FLI1: variants seen among roughly 807,000 people sequenced by gnomAD.
The protein encoded by FLI1 is Fli-1 proto-oncogene, ETS transcription factor.
FLI1 carries 13 observed loss-of-function variants against 53.1 expected under a neutral mutation model. The ratio of observed to expected loss-of-function variants is 0.24; its 90% CI spans 0.16 to 0.39. The LOEUF (loss-of-function observed/expected upper bound fraction) is 0.39, where lower values mean the gene tolerates loss of function less well. Ranked by LOEUF, FLI1 falls within the 10% of genes least tolerant of loss-of-function variation. The pLI is 1.00. For synonymous variants in FLI1, 244 were observed against 236.7 expected (o/e 1.03, Z -0.28); for missense variants, 424 against 600.5 (o/e 0.71, Z 3.07).
upstream of FLI1, among the ~76,000 whole-genome samples, chr11:128,691,172 G>T (rs1480710341): frequency 1.3e-5 from 2 of 152,122 alleles, no homozygotes; most frequent in Admixed American, 1.3e-4. Flanking sequence ...TTGGCTGCTC[G>T]TGAAAACAAT....
chr11:128,742,121 C>G (rs1191296078), intron 1 of FLI1, among the ~76,000 whole-genome samples: 1 of 152,140 alleles, frequency 6.6e-6, no homozygotes, highest in African/African-American at 2.4e-5. Flanking sequence ...TTTGCCGCAG[C>G]TACTCACTTG....
chr11:128,730,779 C>T (rs1219352753), intron 1 of FLI1, among the ~76,000 whole-genome samples: 1 of 152,236 alleles, frequency 6.6e-6, no homozygotes, highest in Non-Finnish European at 1.5e-5. Context: ...TCAAGGGAAA[C>T]TCAATCTATG....
At chr11:128,800,537 T>C (rs1235345422) in intron 5 of FLI1, among the ~76,000 whole-genome samples, 1 of 152,142 alleles carries the variant, frequency 6.6e-6, no homozygotes, top group African/African-American at 2.4e-5. Context: ...AGGACCAGGT[T>C]AAAAGCTTCA....
chr11:128,691,733 G>A (rs938043166), upstream of FLI1: 7 of 152,550 alleles, frequency 4.6e-5, no homozygotes, highest in African/African-American at 1.7e-4. Flanking sequence ...TTCCAGTGGG[G>A]GAGGCAGCTG....
rs539781516 is a variant in FLI1 at position 128,806,033 on chromosome 11, G to C, written c.721+602G>C. The C allele has an allele frequency of 3.9e-5, 6 of 152,124 alleles. No homozygotes were observed. In the East Asian group the frequency reaches 1.2e-3, roughly 30 times the overall value. 9.4% of individuals were successfully genotyped at this position (152,124 alleles called of 1,614,324 possible). A position where few individuals can be genotyped will look rare whatever the true frequency, so the allele number is the denominator to read the frequency against. ...CAGTAAGAGAATAAGGGGCAAGAAT[G>C]ACTCATGAACTCCTGTACCAGAAAT... On this transcript the variant is annotated intron_variant, in intron 6 of 8. Coordinates refer to ENST00000527786, the MANE Select transcript of FLI1 (RefSeq NM_002017.5).
At chr11:128,795,028 A>G (rs537211933) in intron 5 of FLI1, among the ~76,000 whole-genome samples, 2 of 152,210 alleles carry the variant, frequency 1.3e-5, no homozygotes, top group African/African-American at 4.8e-5. Flanking sequence ...GTGAGCCAAC[A>G]TTGCGCCACT....
chr11:128,693,937 G>C (rs889711931), upstream of FLI1: 8 of 267,424 alleles, frequency 3.0e-5, no homozygotes, highest in Admixed American at 3.6e-4. Context: ...AGGAGAGCTC[G>C]AGGCGAGAGA....
At chr11:128,693,523 C>A (rs1439182691), upstream of FLI1, 7 of 177,294 alleles carry the variant, frequency 3.9e-5, no homozygotes, top group East Asian at 2.0e-4. Context: ...ACCCCCCCTA[C>A]CCCACCCCCA....
At chr11:128,793,450 C>G (rs527974365) in intron 5 of FLI1, among the ~76,000 whole-genome samples, 1 of 152,262 alleles carries the variant, frequency 6.6e-6, no homozygotes, top group South Asian at 2.1e-4. Context: ...AGAATAATCT[C>G]CTTCCATTGC....
rs991921952 is a variant in FLI1, at chr11:128,755,956, G to A, written c.19-2159G>A. ...CTTTTTGAATTATGGCTGTCTGTCC[G>A]CTGGGGTGGAGAATGGCCCTGGGAG... On this transcript the variant is annotated intron_variant, in intron 1 of 8. Transcript: ENST00000527786. 9.9e-5 allele frequency among the ~76,000 whole-genome samples: 15 copies of A among 152,280 alleles called. No individual in the cohort carries two copies. In the East Asian group the frequency reaches 1.9e-3, roughly 20 times the overall value.
chr11:128,770,492 C>T (rs895892065), intron 3 of FLI1, among the ~76,000 whole-genome samples: 4 of 152,200 alleles, frequency 2.6e-5, no homozygotes, highest in South Asian at 2.1e-4. Flanking sequence ...TAGTTAATCA[C>T]TAGCTCCATG....
chr11:128,686,072 CTCCG>C, upstream of FLI1: 1 of 318,238 alleles, frequency 3.1e-6, no homozygotes, highest in Non-Finnish European at 6.3e-6. Context: ...GTTAGTCTTC[CTCCG>C]TCCCCGGGCC....
chr11:128,742,567 A>G (rs1451812824), intron 1 of FLI1, among the ~76,000 whole-genome samples: 3 of 152,240 alleles, frequency 2.0e-5, no homozygotes, highest in Non-Finnish European at 4.4e-5. Context: ...CAAATGAACT[A>G]AAGTTGACTA....
intron 1 of FLI1, among the ~76,000 whole-genome samples, chr11:128,736,413 A>C (rs899791707): frequency 6.6e-6 from 1 of 151,940 alleles, no homozygotes; most frequent in Non-Finnish European, 1.5e-5. Context: ...GATAAGATAC[A>C]CTCTTGTAGC....
At position 128,694,284 on chromosome 11, in the gene FLI1, G is replaced by C; in HGVS notation, c.18+8G>C. On this transcript the variant is annotated splice_region_variant and intron_variant, in intron 1 of 8. Transcript: ENST00000527786. The stretch of plus-strand genomic sequence containing the variant: ...ATGGACGGGACTATTAAGGTAAGCG[G>C]CGGGGCAACGGACGCGGGCGGCGGG... 1 of 1,376,062 alleles carries C rather than the reference G, an allele frequency of 7.3e-7. No homozygotes were observed. The highest frequency in any genetic ancestry group is 9.5e-7 in the Non-Finnish European group (1 of 1,053,876). 85.2% of individuals were successfully genotyped at this position (1,376,062 alleles called of 1,614,324 possible).
intron 5 of FLI1, among the ~76,000 whole-genome samples, chr11:128,796,617 T>C (rs1203308275): frequency 6.6e-6 from 1 of 152,226 alleles, no homozygotes; most frequent in Non-Finnish European, 1.5e-5. Context: ...GTGCTCTGTC[T>C]GATGTGTGGA....
intron 1 of FLI1, 29 bp downstream of exon 1, chr11:128,694,305 G>C: frequency 7.5e-7 from 1 of 1,338,110 alleles, no homozygotes. Context: ...GACGCGGGCG[G>C]CGGGGACCGG....
chr11:128,700,331 G>A (rs1938271358), intron 1 of FLI1, among the ~76,000 whole-genome samples: 1 of 152,206 alleles, frequency 6.6e-6, no homozygotes. Flanking sequence ...GGACAGATCT[G>A]GGTTTCAAGC....
intron 1 of FLI1, among the ~76,000 whole-genome samples, chr11:128,704,502 C>T (rs961821041): frequency 6.6e-6 from 1 of 152,170 alleles, no homozygotes. Context: ...TGGCTCCAAG[C>T]GTCTTTCCCG....
Sources: gnomAD v4.1 joint callset for allele counts (sites outside exome capture counted in the v4.1 genomes callset) on GRCh38, gnomAD v4.1.1 for gene constraint, MANE v1.5 for transcripts, NCBI Gene and HGNC (gene_info 2026-07-23, HGNC 2026-07-21) for gene names.